MYRFL: variants seen among roughly 807,000 people sequenced by gnomAD.
The protein encoded by MYRFL is myelin regulatory factor like.
Under a neutral mutation model 109.4 loss-of-function variants are expected in MYRFL, and 88 were observed. That is an observed-to-expected ratio of 0.80 (90% CI 0.68 to 0.96). The LOEUF is 0.96. MYRFL is among the 40% of genes least tolerant of loss of function. MYRFL has a pLI of 0.00. For missense variants in MYRFL, 957 were observed against 954.9 expected (o/e 1.00, Z -0.03); for synonymous variants, 324 against 320.9 (o/e 1.01, Z -0.10).
intron 1 of MYRFL, among the ~76,000 whole-genome samples, chr12:69,841,153 G>A (rs1883221265): frequency 6.6e-6 from 1 of 152,144 alleles, no homozygotes; most frequent in South Asian, 2.1e-4. Flanking sequence ...TTTCTTGGGG[G>A]CAGTGCCCTG....
Position 69,958,734 on chromosome 12 carries a change from A to T in MYRFL, c.*203A>T, listed in dbSNP as rs1019953418. The T allele has an allele frequency of 1.9e-6, 1 of 518,132 alleles. No individual in the cohort carries two copies. Among genetic ancestry groups the T allele is most frequent in the African/African-American group, 2.0e-5 (1 of 50,670 alleles). 32.1% of individuals were successfully genotyped at this position (518,132 alleles called of 1,614,324 possible). A position where few individuals can be genotyped will look rare whatever the true frequency, so the allele number is the denominator to read the frequency against. Reference sequence around the variant, plus strand: ...GTTTGCTGAAACTTGAAATAATGTGATGTTTGATTTTGCCATGACTATGAA... The same window carrying T: ...GTTTGCTGAAACTTGAAATAATGTGTTGTTTGATTTTGCCATGACTATGAA... On this transcript the variant is annotated 3_prime_UTR_variant, in exon 25 of 25. Coordinates refer to ENST00000552032, the MANE Select transcript of MYRFL (RefSeq NM_182530.3).
At chr12:69,855,425 T>C in intron 2 of MYRFL, 55 bp downstream of exon 2, 1 of 695,340 alleles carries the variant, frequency 1.4e-6, no homozygotes, top group Non-Finnish European at 2.6e-6. Context: ...ATGAAATGAT[T>C]AAATGAGCTA....
chr12:69,957,783 G>C (rs955511289), intron 22 of MYRFL, 39 bp from the exon 23 acceptor site: 40 of 1,501,312 alleles, frequency 2.7e-5, no homozygotes, highest in Non-Finnish European at 4.5e-6. Flanking sequence ...GCTGGTAACT[G>C]CTTTTTCAGG....
intron 19 of MYRFL, among the ~76,000 whole-genome samples, chr12:69,938,583 T>C (rs1202274645): frequency 2.0e-5 from 3 of 152,190 alleles, no homozygotes; most frequent in African/African-American, 7.2e-5. Context: ...GATGTCTTGA[T>C]GATCCTGACC....
chr12:69,952,186 ATT>A lies in MYRFL; in HGVS notation c.2287+13_2287+14del. On this transcript the variant is annotated intron_variant, in intron 20 of 24. Transcript: ENST00000552032. ...ACTGGGAGAGTGACTGTAAGTTGAC[ATT>A]TAAGTGACACTATTCTTTGGCTTTG... is the stretch of plus-strand genomic sequence containing the variant. 1 of 1,535,830 alleles carries A rather than the reference ATT, an allele frequency of 6.5e-7. No individual in the cohort carries two copies. Among genetic ancestry groups the A allele is most frequent in the Non-Finnish European group, 8.7e-7 (1 of 1,146,598 alleles).
chr12:69,869,756 C>A (rs558073307), intron 2 of MYRFL, among the ~76,000 whole-genome samples: 35 of 152,250 alleles, frequency 2.3e-4, no homozygotes, highest in Admixed American at 2.3e-3. Flanking sequence ...TAGATATTCA[C>A]ATGAAGACAC....
intron 1 of MYRFL, among the ~76,000 whole-genome samples, chr12:69,850,984 C>T (rs151189694): frequency 6.6e-6 from 1 of 152,184 alleles, no homozygotes; most frequent in African/African-American, 2.4e-5. Context: ...GATTTTGCAA[C>T]CCACTTTTTT....
intron 14 of MYRFL, among the ~76,000 whole-genome samples, chr12:69,927,046 G>T (rs1955119251): frequency 7.1e-6 from 1 of 141,730 alleles, no homozygotes; most frequent in Non-Finnish European, 1.5e-5. Context: ...CCAGATTCAA[G>T]GGATTCTCCT....
At chr12:69,920,574 C>CCA (rs146966213) in intron 13 of MYRFL, among the ~76,000 whole-genome samples, 19,868 of 152,042 alleles carry the variant, frequency 0.13, 1,465 homozygotes, top group Non-Finnish European at 0.15. Context: ...CCAGGTGAGC[C>CCA]CACTCTCTAG....
chr12:69,831,219 A>G (rs1300079312), intron 1 of MYRFL, among the ~76,000 whole-genome samples: 1 of 152,268 alleles, frequency 6.6e-6, no homozygotes, highest in Middle Eastern at 3.4e-3. Flanking sequence ...CCACAGGCCA[A>G]ATCTGGCCTG....
chr12:69,931,883 T>C (rs1228736638), intron 15 of MYRFL, among the ~76,000 whole-genome samples: 1 of 152,212 alleles, frequency 6.6e-6, no homozygotes, highest in Non-Finnish European at 1.5e-5. Context: ...GAGACTATAA[T>C]TTACTGATTT....
chr12:69,827,800 A>G (rs1272901138), intron 1 of MYRFL, among the ~76,000 whole-genome samples: 1 of 152,092 alleles, frequency 6.6e-6, no homozygotes, highest in Admixed American at 6.6e-5. Context: ...TATAAACACA[A>G]TTAGATATAT....
chr12:69,860,776 C>T (rs1231040633), intron 2 of MYRFL, among the ~76,000 whole-genome samples: 1 of 151,520 alleles, frequency 6.6e-6, no homozygotes, highest in African/African-American at 2.4e-5. Context: ...TTTTAGGGCA[C>T]ATGTGCACAA....
At chr12:69,911,782 A>G (rs1018817789) in intron 13 of MYRFL, among the ~76,000 whole-genome samples, 6 of 152,224 alleles carry the variant, frequency 3.9e-5, no homozygotes, top group Admixed American at 1.3e-4. Flanking sequence ...ACCAATTGAT[A>G]TAAGGGTTTT....
At position 69,936,624 on chromosome 12, in the gene MYRFL, G is replaced by A. The variant is rs184470223; in HGVS notation, c.2216G>A (p.Arg739Gln). 8.5e-6 allele frequency: 13 copies of A among 1,524,536 alleles called. No individual in the cohort carries two copies. Among genetic ancestry groups the A allele is most frequent in the African/African-American group, 4.1e-5 (3 of 72,658 alleles). 94.4% of individuals were successfully genotyped at this position (1,524,536 alleles called of 1,614,324 possible). Residue 739 changes from arginine (R) to glutamine (Q), a missense_variant, in exon 19 of 25, where the codon CGA becomes CAA. Transcript: ENST00000552032. Reference sequence around the variant, plus strand: ...GAGGAGAAGGAATTCCATCAGAGGCGATGGTCAGGTAAATGATGTTCAAAG... The same window carrying A: ...GAGGAGAAGGAATTCCATCAGAGGCAATGGTCAGGTAAATGATGTTCAAAG... Reference protein sequence around the residue: ...QSEEKEFHQRRWSEDKSKSVL... With the variant: ...QSEEKEFHQRQWSEDKSKSVL...
intron 13 of MYRFL, among the ~76,000 whole-genome samples, chr12:69,925,233 G>A (rs559775394): frequency 2.0e-5 from 3 of 152,206 alleles, no homozygotes; most frequent in Admixed American, 1.3e-4. Context: ...ACACTGGAGA[G>A]TGCAGGGTGT....
intron 1 of MYRFL, among the ~76,000 whole-genome samples, chr12:69,846,057 C>CCTAA (rs979000200): frequency 4.8e-5 from 7 of 146,110 alleles, no homozygotes; most frequent in African/African-American, 1.8e-4. Context: ...AACTCCTTGC[C>CCTAA]TTAGTTTAAC....
At chr12:69,895,647 T>C (rs1367757812) in intron 9 of MYRFL, among the ~76,000 whole-genome samples, 166 bp downstream of exon 9, 1 of 152,146 alleles carries the variant, frequency 6.6e-6, no homozygotes, top group African/African-American at 2.4e-5. Flanking sequence ...ATTTCTCCTT[T>C]ACCTGTGGAC....
At chr12:69,950,698 G>T (rs1183496093) in intron 19 of MYRFL, among the ~76,000 whole-genome samples, 1 of 152,160 alleles carries the variant, frequency 6.6e-6, no homozygotes, top group Non-Finnish European at 1.5e-5. Context: ...ATTTAGCATT[G>T]CCCAGCAGAA....
Sources: gnomAD v4.1 joint callset for allele counts (sites outside exome capture counted in the v4.1 genomes callset) on GRCh38, gnomAD v4.1.1 for gene constraint, MANE v1.5 for transcripts, NCBI Gene and HGNC (gene_info 2026-07-23, HGNC 2026-07-21) for gene names.